RAF1: variants seen among roughly 807,000 people sequenced by gnomAD.
The protein encoded by RAF1 is RAF proto-oncogene serine/threonine-protein kinase.
RAF1 carries 27 observed loss-of-function variants against 81.1 expected under a neutral mutation model. The ratio of observed to expected loss-of-function variants is 0.33; its 90% CI spans 0.25 to 0.46. The LOEUF is 0.46. RAF1 is among the 20% of genes least tolerant of loss of function. RAF1 has a pLI of 1.00. For missense variants in RAF1, 598 were observed against 826.0 expected, an observed-to-expected ratio of 0.72 and a Z score of 3.38; for synonymous variants, 298 against 294.0, an observed-to-expected ratio of 1.01 and a Z score of -0.14.
intron 9 of RAF1, 25 bp from the exon 9 acceptor site, chr3:12,600,304 C>T (rs1347821657): frequency 6.2e-7 from 1 of 1,614,036 alleles, no homozygotes. Flanking sequence ...CAAACAGAAG[C>T]CACACAAGGA....
intron 11 of RAF1, 31 bp downstream of exon 10, chr3:12,599,660 G>T: frequency 6.4e-7 from 1 of 1,550,754 alleles, no homozygotes; most frequent in Non-Finnish European, 8.9e-7. Flanking sequence ...CCAAAGCCCT[G>T]CAGTTAGTAA....
intron 1 of RAF1, among the ~76,000 whole-genome samples, chr3:12,659,776 G>A (rs2060817932): frequency 6.6e-6 from 1 of 152,052 alleles, no homozygotes; most frequent in African/African-American, 2.4e-5. Flanking sequence ...GCCTTTCAAA[G>A]GCAATATTTA....
intron 1 of RAF1, among the ~76,000 whole-genome samples, chr3:12,642,985 G>A (rs896394708): frequency 2.0e-5 from 3 of 151,996 alleles, no homozygotes; most frequent in African/African-American, 4.8e-5. Context: ...TATATGCCAA[G>A]TGGAAAGCTA....
chr3:12,648,869 C>T (rs2060434124), intron 1 of RAF1, among the ~76,000 whole-genome samples: 1 of 152,204 alleles, frequency 6.6e-6, no homozygotes, highest in Non-Finnish European at 1.5e-5. Context: ...AATCCCAGCA[C>T]TTTAGGAGGC....
At chr3:12,620,419 G>A (rs2059521553) in intron 1 of RAF1, among the ~76,000 whole-genome samples, 1 of 152,146 alleles carries the variant, frequency 6.6e-6, no homozygotes, top group Admixed American at 6.5e-5. Flanking sequence ...ACAGGCATGA[G>A]CCACCGTGCC....
Position 12,605,250 on chromosome 3 carries a change from A to ATATGTGTGTGTG in RAF1, c.680+950_680+951insCACACACACATA, listed in dbSNP as rs1553613998. ...ATTAAACATTATCTGATTACACATT[A>ATATGTGTGTGTG]TGTGTGTGTGTGTGTGTGTGTGTGT... On this transcript the variant is annotated intron_variant, in intron 6 of 17. Transcript: ENST00000442415. Among the ~76,000 whole-genome samples, 311 of 144,622 alleles carry ATATGTGTGTGTG rather than the reference A, an allele frequency of 2.2e-3. 1 individual carries two copies. The highest frequency in any genetic ancestry group is 6.3e-3 in the African/African-American group (244 of 38,784). The allele number at this position is 144,622 out of a possible 152,430, so 94.9% of individuals were successfully genotyped here. A position where few individuals can be genotyped will look rare whatever the true frequency, so the allele number is the denominator to read the frequency against.
intron 1 of RAF1, among the ~76,000 whole-genome samples, chr3:12,652,107 T>C (rs1351036802): frequency 6.6e-6 from 1 of 151,796 alleles, no homozygotes; most frequent in East Asian, 1.9e-4. Context: ...TCCCAGCTAC[T>C]CGGGAGGCTG....
intron 13 of RAF1, chr3:12,587,854 T>TTTTTTTTTTTTTTTTG (rs1553610554): frequency 2.3e-6 from 1 of 432,430 alleles, no homozygotes; most frequent in African/African-American, 2.2e-5. Context: ...TTTTTTTTTT[T>TTTTTTTTTTTTTTTTG]GGAGACTGGA....
intron 3 of RAF1, among the ~76,000 whole-genome samples, chr3:12,610,033 A>C (rs999989507): frequency 1.3e-5 from 2 of 152,242 alleles, no homozygotes; most frequent in Non-Finnish European, 2.9e-5. Context: ...TGTAGGGTCT[A>C]TAAGTCAATG....
At chr3:12,600,466 C>G (rs1266882704) in intron 8 of RAF1, 51 bp from the exon 8 acceptor site, 1 of 1,602,790 alleles carries the variant, frequency 6.2e-7, no homozygotes, top group East Asian at 2.2e-5. Context: ...AAGATTTTCT[C>G]TGGGGGAGGG....
rs374044897 is a variant in RAF1 at position 12,584,934 on chromosome 3, C to G, written c.1776G>C (p.Lys592Asn). 3 of 1,614,068 alleles carry G rather than the reference C, an allele frequency of 1.9e-6. No homozygotes were observed. The highest frequency in any genetic ancestry group is 1.3e-5 in the African/African-American group (1 of 74,922). ...TTGCTTTGGGGCAGTTCTTATATAG[C>G]TTACTAAGATCTGGGGAGGCATATC... Residue 592 changes from lysine (K) to asparagine (N), a missense_variant, in exon 17 of 18, where the codon AAG becomes AAC. Transcript: ENST00000442415.
At position 12,633,934 on chromosome 3, in the gene RAF1, CAA is replaced by C. The variant is rs35322613; in HGVS notation, c.-26-15189_-26-15188del. On this transcript the variant is annotated intron_variant, in intron 1 of 17. Transcript: ENST00000442415. ...AGGGCAACAAGAGTAAAAACTCTCT[CAA>C]AAAAAAAAAAAAAAACAAAAAAAAT... Among the ~76,000 whole-genome samples, 298 of 95,544 alleles carry C rather than the reference CAA, an allele frequency of 3.1e-3. 1 individual carries two copies. The highest frequency in any genetic ancestry group is 9.1e-3 in the African/African-American group (247 of 27,074). 62.7% of individuals were successfully genotyped at this position (95,544 alleles called of 152,430 possible). A position where few individuals can be genotyped will look rare whatever the true frequency, so the allele number is the denominator to read the frequency against.
In RAF1 at chr3:12,641,835, GT is replaced by G. The variant is rs769731326; in HGVS notation, c.-27+21977del. Among the ~76,000 whole-genome samples the G allele has an allele frequency of 1.2e-4, 19 of 152,194 alleles. No individual in the cohort carries two copies. The East Asian group carries it at 1.7e-3, about 14-fold the overall frequency. ...GTGTAACTACGTAATGCTAGTTGTA[GT>G]TTAGATTCCTGGATGTTAACTTAAA... On this transcript the variant is annotated intron_variant, in intron 1 of 17. Coordinates refer to ENST00000442415, the MANE Select transcript of RAF1 (RefSeq NM_001354689.3).
chr3:12,607,449 A>G (rs2059069263), intron 5 of RAF1, among the ~76,000 whole-genome samples: 1 of 152,166 alleles, frequency 6.6e-6, no homozygotes, highest in Non-Finnish European at 1.5e-5. Flanking sequence ...GGAGTTCGAG[A>G]CCAGCCTGGG....
At chr3:12,626,709 G>GT (rs913565235) in intron 1 of RAF1, among the ~76,000 whole-genome samples, 6 of 151,834 alleles carry the variant, frequency 4.0e-5, no homozygotes, top group African/African-American at 1.5e-4. Flanking sequence ...CAATGATAAA[G>GT]TTTTTTTTGT....
At chr3:12,649,603 ACAC>A (rs2125559033) in intron 1 of RAF1, among the ~76,000 whole-genome samples, 1 of 151,932 alleles carries the variant, frequency 6.6e-6, no homozygotes, top group South Asian at 2.1e-4. Context: ...ACACACACAC[ACAC>A]ACACACACAC....
intron 1 of RAF1, among the ~76,000 whole-genome samples, chr3:12,648,020 A>G (rs896296514): frequency 6.6e-6 from 1 of 152,356 alleles, no homozygotes; most frequent in African/African-American, 2.4e-5. Flanking sequence ...TGATACCTGG[A>G]GCCAACTTTA....
intron 1 of RAF1, among the ~76,000 whole-genome samples, chr3:12,622,814 C>T (rs1446202312): frequency 2.6e-5 from 4 of 152,184 alleles, no homozygotes; most frequent in South Asian, 4.1e-4. Context: ...TAGAAAAGAC[C>T]TGTCAAAAAC....
Position 12,590,869 on chromosome 3 carries a change from C to T in RAF1, c.1359G>A (p.Leu453=), listed in dbSNP as rs768486623. 6.2e-7 allele frequency: 1 copy of T among 1,613,874 alleles called. No homozygotes were observed. The highest frequency in any genetic ancestry group is 1.7e-5 in the Admixed American group (1 of 60,016). ...TCTGAAACTTGGTCTCCTGGACATG[C>T]AGGTGTTTGTAGAGGCTGCTGCCCT... Residue 453 remains leucine (L), a synonymous_variant, in exon 13 of 18, where the codon CTG becomes CTA. Coordinates refer to ENST00000442415, the MANE Select transcript of RAF1 (RefSeq NM_001354689.3).
Sources: allele counts gnomAD v4.1 joint callset (sites outside exome capture counted in the v4.1 genomes callset), GRCh38; gene constraint gnomAD v4.1.1; transcripts MANE v1.5; gene names NCBI Gene and HGNC (gene_info 2026-07-23, HGNC 2026-07-21).